MLLT3: variants seen among roughly 807,000 people sequenced by gnomAD.
MLLT3 encodes MLLT3 super elongation complex subunit, also known as protein AF-9.
Under a neutral mutation model 53.2 loss-of-function variants are expected in MLLT3, and 4 were observed. That is an observed-to-expected ratio of 0.08 (90% CI 0.04 to 0.17). MLLT3 has a LOEUF of 0.17. Among genes scored for constraint, MLLT3 ranks in the 10% least tolerant of loss-of-function variants. The pLI, the probability that MLLT3 is intolerant of heterozygous loss-of-function variation, is 1.00. For missense variants in MLLT3, 569 were observed against 684.0 expected (o/e 0.83, Z 1.87); for synonymous variants, 283 against 230.6 (o/e 1.23, Z -2.06).
intron 2 of MLLT3, among the ~76,000 whole-genome samples, chr9:20,512,194 G>C (rs902340000): frequency 6.6e-6 from 1 of 152,142 alleles, no homozygotes; most frequent in East Asian, 1.9e-4. Flanking sequence ...CTGTTTTACG[G>C]ACTGTGGAAC....
intron 2 of MLLT3, among the ~76,000 whole-genome samples, chr9:20,585,458 G>A (rs192650595): frequency 2.6e-5 from 4 of 152,268 alleles, no homozygotes; most frequent in East Asian, 3.9e-4. Flanking sequence ...AGTCCACAAC[G>A]TACAGTAATA....
At chr9:20,373,895 C>T (rs1400366154) in intron 5 of MLLT3, among the ~76,000 whole-genome samples, 2 of 151,724 alleles carry the variant, frequency 1.3e-5, no homozygotes, top group Non-Finnish European at 2.9e-5. Context: ...TTCATTATGC[C>T]TGACTGAAGT....
At chr9:20,364,971 T>C (rs1374451300) in intron 6 of MLLT3, among the ~76,000 whole-genome samples, 1 of 152,146 alleles carries the variant, frequency 6.6e-6, no homozygotes, top group African/African-American at 2.4e-5. Flanking sequence ...TAGAGAAAAA[T>C]ATATATTTAA....
At chr9:20,349,024 C>T (rs1820945426) in intron 10 of MLLT3, among the ~76,000 whole-genome samples, 1 of 152,134 alleles carries the variant, frequency 6.6e-6, no homozygotes, top group Non-Finnish European at 1.5e-5. Context: ...CAAGTAGTCT[C>T]TTTAGAGCTA....
intron 2 of MLLT3, among the ~76,000 whole-genome samples, chr9:20,596,407 T>C (rs1820264913): frequency 6.6e-6 from 1 of 152,220 alleles, no homozygotes; most frequent in Non-Finnish European, 1.5e-5. Context: ...TAATAAGCTC[T>C]GGCCAGGCAT....
At chr9:20,605,222 A>G (rs1460215637) in intron 2 of MLLT3, among the ~76,000 whole-genome samples, 5 of 152,060 alleles carry the variant, frequency 3.3e-5, no homozygotes, top group African/African-American at 1.2e-4. Flanking sequence ...TTCCTACCAA[A>G]AACTACTTAC....
chr9:20,362,955 T>C (rs1314330894), intron 7 of MLLT3: 1 of 152,234 alleles, frequency 6.6e-6, no homozygotes, highest in Non-Finnish European at 1.5e-5. Context: ...TCTTATAACA[T>C]GGAATTATGC....
intron 2 of MLLT3, chr9:20,502,446 A>G (rs1055073604): frequency 1.2e-4 from 19 of 152,390 alleles, no homozygotes; most frequent in Non-Finnish European, 1.8e-4. Context: ...CTTGCAGACA[A>G]CGTGATCTTA....
intron 10 of MLLT3, among the ~76,000 whole-genome samples, chr9:20,348,577 C>G (rs1820934981): frequency 6.6e-6 from 1 of 152,192 alleles, no homozygotes; most frequent in South Asian, 2.1e-4. Context: ...GATTACTTAC[C>G]TCCAGGCTTA....
intron 2 of MLLT3, among the ~76,000 whole-genome samples, chr9:20,613,587 C>T (rs1398820960): frequency 2.1e-5 from 3 of 142,184 alleles, no homozygotes. Flanking sequence ...TTTCCCCATG[C>T]TTTTTTTTTT....
chr9:20,450,297 T>C (rs912135085), intron 3 of MLLT3, among the ~76,000 whole-genome samples: 3 of 152,176 alleles, frequency 2.0e-5, no homozygotes, highest in African/African-American at 7.2e-5. Context: ...CATTCTTCAT[T>C]TGATGTCCTC....
intron 5 of MLLT3, among the ~76,000 whole-genome samples, chr9:20,372,779 A>G (rs1329697337): frequency 1.3e-5 from 2 of 152,084 alleles, no homozygotes; most frequent in Admixed American, 6.6e-5. Context: ...AGTAGTCATC[A>G]GCATCTGGGC....
chr9:20,470,775 C>A (rs953339836), intron 2 of MLLT3, among the ~76,000 whole-genome samples: 8 of 151,872 alleles, frequency 5.3e-5, no homozygotes, highest in African/African-American at 1.4e-4. Context: ...TAGTACTTAA[C>A]ACCACAGGAA....
chr9:20,523,978 A>C (rs1218796222), intron 2 of MLLT3, among the ~76,000 whole-genome samples: 1 of 151,956 alleles, frequency 6.6e-6, no homozygotes, highest in Non-Finnish European at 1.5e-5. Flanking sequence ...CTCAAAAAAA[A>C]AAAAAGCCAC....
chr9:20,504,880 T>A lies in MLLT3; in HGVS notation c.194-48094A>T, dbSNP rs577319774. Among the ~76,000 whole-genome samples, 62 of 152,240 alleles carry A rather than the reference T, an allele frequency of 4.1e-4. 1 individual carries two copies. The highest frequency in any genetic ancestry group is 6.8e-4 in the Non-Finnish European group (46 of 68,000). On this transcript the variant is annotated intron_variant, in intron 2 of 10. Coordinates refer to ENST00000380338, the MANE Select transcript of MLLT3 (RefSeq NM_004529.4). ...TTTTATTTTTCAATTTAAAAAATTATTTTTTTAAGTAGAAAAACTTGATGA... is the reference window on the plus strand; with the variant it reads ...TTTTATTTTTCAATTTAAAAAATTAATTTTTTAAGTAGAAAAACTTGATGA...
At chr9:20,599,378 G>C (rs1587118437) in intron 2 of MLLT3, among the ~76,000 whole-genome samples, 1 of 145,242 alleles carries the variant, frequency 6.9e-6, no homozygotes, top group East Asian at 2.0e-4. Context: ...ACAATCCTAA[G>C]ACATAAAGTT....
At chr9:20,379,686 T>C (rs1821859178) in intron 5 of MLLT3, among the ~76,000 whole-genome samples, 3 of 152,054 alleles carry the variant, frequency 2.0e-5, no homozygotes, top group African/African-American at 2.4e-5. Flanking sequence ...CAGCATCTAA[T>C]TCCTAACCAT....
At chr9:20,590,526 C>A (rs1820101970) in intron 2 of MLLT3, among the ~76,000 whole-genome samples, 1 of 152,162 alleles carries the variant, frequency 6.6e-6, no homozygotes, top group Non-Finnish European at 1.5e-5. Flanking sequence ...CTCTCGTGTT[C>A]ATTGTCTGTC....
intron 2 of MLLT3, among the ~76,000 whole-genome samples, chr9:20,504,317 A>C (rs1263815524): frequency 6.6e-6 from 1 of 151,974 alleles, no homozygotes; most frequent in African/African-American, 2.4e-5. Flanking sequence ...AAGAATGGAC[A>C]AAGAAAATGT....
Sources: gnomAD v4.1 joint callset for allele counts (sites outside exome capture counted in the v4.1 genomes callset) on GRCh38, gnomAD v4.1.1 for gene constraint, MANE v1.5 for transcripts, NCBI Gene and HGNC (gene_info 2026-07-23, HGNC 2026-07-21) for gene names.